Variants in PCDHA7 observed in about 807,000 individuals in gnomAD.
The protein encoded by PCDHA7 is protocadherin alpha 7.
In PCDHA7, 37 loss-of-function variants were observed where a neutral mutation model predicts 57.2. The observed-to-expected ratio is 0.65, with a 90% CI of 0.50 to 0.85. PCDHA7 has a LOEUF of 0.85. Among genes scored for constraint, PCDHA7 ranks in the 40% least tolerant of loss-of-function variants. The probability of loss-of-function intolerance (pLI) is 0.00; values close to 1 mark genes in which losing one functional copy is unlikely to be tolerated. For synonymous variants in PCDHA7, 553 were observed against 558.8 expected (o/e 0.99, Z 0.15); for missense variants, 1,188 against 1,241.8 (o/e 0.96, Z 0.65).
At chr5:140,914,596 C>A (rs1454753124) in intron 1 of PCDHA7, among the ~76,000 whole-genome samples, 1 of 152,128 alleles carries the variant, frequency 6.6e-6, no homozygotes, top group Non-Finnish European at 1.5e-5. Flanking sequence ...TAAGTAGGAA[C>A]TTCCTCCTGC....
intron 1 of PCDHA7, among the ~76,000 whole-genome samples, chr5:140,918,975 T>C (rs141194276): frequency 6.6e-6 from 1 of 152,310 alleles, no homozygotes; most frequent in East Asian, 1.9e-4. Flanking sequence ...ATCGTTTAGG[T>C]TAGTTGGTTT....
intron 3 of PCDHA7, among the ~76,000 whole-genome samples, chr5:141,000,387 CTCTCTCTCTATATATATATA>C (rs1348939997): frequency 1.5e-5 from 1 of 66,898 alleles, no homozygotes; most frequent in Non-Finnish European, 2.8e-5. Context: ...CTCTCTCTCT[CTCTCTCTCTATATATATATA>C]TATATATATA....
At chr5:140,982,845 C>A (rs1436674965) in intron 3 of PCDHA7, among the ~76,000 whole-genome samples, 1 of 151,978 alleles carries the variant, frequency 6.6e-6, no homozygotes, top group Non-Finnish European at 1.5e-5. Flanking sequence ...TTGTTTAAAT[C>A]AGGTACCTTT....
intron 1 of PCDHA7, among the ~76,000 whole-genome samples, chr5:140,872,165 CT>C (rs781807025): frequency 1.6e-3 from 233 of 143,900 alleles, no homozygotes; most frequent in Middle Eastern, 3.6e-3. Context: ...ATTTACTTTT[CT>C]TTTTTTTTTT....
chr5:140,914,020 C>T (rs2076562854), intron 1 of PCDHA7, among the ~76,000 whole-genome samples: 1 of 152,036 alleles, frequency 6.6e-6, no homozygotes, highest in African/African-American at 2.4e-5. Context: ...GAGAATGATC[C>T]ACGTGCTGAG....
intron 1 of PCDHA7, among the ~76,000 whole-genome samples, chr5:140,872,376 C>T (rs1270470575): frequency 1.3e-5 from 2 of 152,128 alleles, no homozygotes; most frequent in Non-Finnish European, 2.9e-5. Flanking sequence ...CCTGTAATCC[C>T]AGCTATTTGG....
Position 140,928,713 on chromosome 5 carries a change from T to C in PCDHA7, c.2356-50236T>C, listed in dbSNP as rs535812769. The C allele has an allele frequency of 3.1e-6, 5 of 1,614,142 alleles. No individual in the cohort carries two copies. In the African/African-American group the frequency reaches 6.7e-5, roughly 22 times the overall value. ...ACATCTCCCGGGCGTCTGACTCTAG[T>C]CTCTTTAGAATTTCAGCCAATATAG... On this transcript the variant is annotated intron_variant, in intron 1 of 3. Coordinates refer to ENST00000525929, the MANE Select transcript of PCDHA7 (RefSeq NM_018910.3).
At chr5:140,941,219 C>CTT (rs1308794823) in intron 1 of PCDHA7, among the ~76,000 whole-genome samples, 11 of 125,974 alleles carry the variant, frequency 8.7e-5, no homozygotes, top group African/African-American at 3.2e-4. Flanking sequence ...TTCTTCCTTT[C>CTT]TTTCTTTCTT....
chr5:140,952,832 G>A (rs560488815), intron 1 of PCDHA7, among the ~76,000 whole-genome samples: 1 of 152,226 alleles, frequency 6.6e-6, no homozygotes, highest in African/African-American at 2.4e-5. Context: ...GCATGATGCT[G>A]GCCATCTGCT....
intron 1 of PCDHA7, chr5:140,867,037 T>C (rs1167495486): frequency 2.0e-5 from 3 of 152,162 alleles, no homozygotes; most frequent in African/African-American, 7.2e-5. Flanking sequence ...CTTTTATGAC[T>C]TGGCGTTTGT....
chr5:141,000,403 A>C (rs1233777704), intron 3 of PCDHA7, among the ~76,000 whole-genome samples: 120 of 84,052 alleles, frequency 1.4e-3, no homozygotes, highest in East Asian at 4.6e-3. Context: ...CTCTATATAT[A>C]TATATATATA....
chr5:140,973,582 T>C lies in PCDHA7; in HGVS notation c.2356-5367T>C, dbSNP rs76146918. Among the ~76,000 whole-genome samples the C allele has an allele frequency of 4.6e-3, 708 of 152,364 alleles. 4 individuals are homozygous for C. The highest frequency in any genetic ancestry group is 0.016 in the African/African-American group (685 of 41,596). On this transcript the variant is annotated intron_variant, in intron 1 of 3. Coordinates refer to ENST00000525929, the MANE Select transcript of PCDHA7 (RefSeq NM_018910.3). ...TTTCCTCAATTTTTCTACAGACTGC[T>C]GAGCCAGATGGAATTATGGCTGAGC...
chr5:140,870,745 G>T (rs369212308), intron 1 of PCDHA7: 8 of 1,613,530 alleles, frequency 5.0e-6, no homozygotes, highest in Admixed American at 3.3e-5. Flanking sequence ...GAGCAGCAAC[G>T]TGACGCTGCA....
chr5:140,942,701 G>T (rs2093357342), intron 1 of PCDHA7, among the ~76,000 whole-genome samples: 1 of 152,080 alleles, frequency 6.6e-6, no homozygotes, highest in Non-Finnish European at 1.5e-5. Flanking sequence ...TGAGAAATAT[G>T]AAGTAAAAGT....
At chr5:140,907,995 C>T (rs1441720086) in intron 1 of PCDHA7, among the ~76,000 whole-genome samples, 9 of 152,166 alleles carry the variant, frequency 5.9e-5, no homozygotes, top group African/African-American at 1.9e-4. Flanking sequence ...AGTCCTTAAC[C>T]ATCCAGCCAA....
At chr5:140,985,348 A>G (rs1197077354) in intron 3 of PCDHA7, among the ~76,000 whole-genome samples, 2 of 152,190 alleles carry the variant, frequency 1.3e-5, no homozygotes, top group Non-Finnish European at 2.9e-5. Context: ...AGGCCCAGAT[A>G]TAGACCCTCT....
chr5:140,928,552 G>A lies in PCDHA7; in HGVS notation c.2356-50397G>A, dbSNP rs145928329. On this transcript the variant is annotated intron_variant, in intron 1 of 3. Coordinates refer to ENST00000525929, the MANE Select transcript of PCDHA7 (RefSeq NM_018910.3). ...GGTAGATAGGAATGACAATTATCCGGTTATCTTGTTTCCCTTGCCCAGAAA... is the reference window on the plus strand; with the variant it reads ...GGTAGATAGGAATGACAATTATCCGATTATCTTGTTTCCCTTGCCCAGAAA... The A allele has an allele frequency of 6.7e-4, 1,075 of 1,614,218 alleles. 1 individual carries two copies. Among genetic ancestry groups the A allele is most frequent in the Non-Finnish European group, 8.6e-4 (1,013 of 1,180,042 alleles).
At chr5:140,918,789 G>A (rs1453306973) in intron 1 of PCDHA7, among the ~76,000 whole-genome samples, 7 of 142,426 alleles carry the variant, frequency 4.9e-5, no homozygotes, top group African/African-American at 1.9e-4. Flanking sequence ...TGAGGACACA[G>A]CAAAAATGTG....
rs149179821 is a variant in PCDHA7 at position 141,012,224 on chromosome 5, C to T, written c.*2287C>T. 2 of 153,832 alleles carry T rather than the reference C, an allele frequency of 1.3e-5. No homozygotes were observed. Among genetic ancestry groups the T allele is most frequent in the East Asian group, 3.9e-4 (2 of 5,184 alleles). 9.5% of individuals were successfully genotyped at this position (153,832 alleles called of 1,614,324 possible). On this transcript the variant is annotated 3_prime_UTR_variant, in exon 4 of 4. Coordinates refer to ENST00000525929, the MANE Select transcript of PCDHA7 (RefSeq NM_018910.3). ...CTTTTTACATTTGCGAAGTGCTTTC[C>T]AATCCATGTTAGTTACTAGTTATTA...
Sources: gnomAD v4.1 joint callset for allele counts (sites outside exome capture counted in the v4.1 genomes callset) on GRCh38, gnomAD v4.1.1 for gene constraint, MANE v1.5 for transcripts, NCBI Gene and HGNC (gene_info 2026-07-23, HGNC 2026-07-21) for gene names.